Variants in ATP13A5 observed in about 807,000 individuals in gnomAD.
ATP13A5 encodes ATPase 13A5.
A neutral mutation model predicts 150.2 loss-of-function variants in ATP13A5; 149 were observed. The observed-to-expected ratio is 0.99, with a 90% CI of 0.87 to 1.14. The LOEUF (loss-of-function observed/expected upper bound fraction) is 1.14, where lower values mean the gene tolerates loss of function less well. ATP13A5 is among the 50% of genes most tolerant of loss of function. The pLI is 0.00. For missense variants in ATP13A5, 1,383 were observed against 1,449.3 expected (o/e 0.95, Z 0.74); for synonymous variants, 497 against 522.2 (o/e 0.95, Z 0.66).
intron 28 of ATP13A5, among the ~76,000 whole-genome samples, chr3:193,278,644 G>A (rs905372467): frequency 6.6e-6 from 1 of 152,112 alleles, no homozygotes; most frequent in Non-Finnish European, 1.5e-5. Flanking sequence ...TTGAACCCAG[G>A]TCAAGTTGCA....
intron 9 of ATP13A5, among the ~76,000 whole-genome samples, chr3:193,338,740 T>C (rs1222544094): frequency 6.6e-6 from 1 of 152,210 alleles, no homozygotes; most frequent in African/African-American, 2.4e-5. Flanking sequence ...AGGATGATGC[T>C]GGCCTCATAA....
intron 26 of ATP13A5, among the ~76,000 whole-genome samples, chr3:193,287,402 C>T (rs996403610): frequency 1.6e-4 from 25 of 152,132 alleles, no homozygotes; most frequent in African/African-American, 4.6e-4. Context: ...TAGGGGCTAA[C>T]GCAGCTGGTG....
chr3:193,352,558 A>C (rs1318622375), intron 6 of ATP13A5, among the ~76,000 whole-genome samples: 4 of 152,136 alleles, frequency 2.6e-5, no homozygotes, highest in African/African-American at 9.7e-5. Context: ...ACTCCTTTCA[A>C]ATTAGAACAC....
rs374086408 is a variant in ATP13A5 at position 193,321,825 on chromosome 3, C to T, written c.1771G>A (p.Ala591Thr). ...GPKASKSPVE[A>T]IITLCQFPFS... ...GGAAACTGGCACAAGGTGATGATGG[C>T]TTCCACTGGACTCTGCAAGCCCATC... The change falls in exon 16 of 30, where the codon GCC (alanine) becomes ACC (threonine). Residue 591 changes from alanine (A) to threonine (T), a missense_variant. Physicochemically the swap from Ala to Thr is moderately conservative, Grantham distance 58. Transcript: ENST00000342358. 7 of 1,613,950 alleles carry T rather than the reference C, an allele frequency of 4.3e-6. No individual in the cohort carries two copies. In the African/African-American group the frequency reaches 6.7e-5, roughly 15 times the overall value.
intron 2 of ATP13A5, 146 bp downstream of exon 2, chr3:193,363,961 A>AT: frequency 2.2e-6 from 2 of 893,610 alleles, no homozygotes; most frequent in Non-Finnish European, 3.3e-6. Context: ...ATTTTGCCGT[A>AT]TTTTCTCCTG....
intron 27 of ATP13A5, among the ~76,000 whole-genome samples, chr3:193,282,272 C>G (rs1477782753): frequency 1.3e-5 from 2 of 152,048 alleles, no homozygotes; most frequent in African/African-American, 2.4e-5. Flanking sequence ...AAAAATTATT[C>G]ATGTATAACA....
chr3:193,331,753 T>C (rs532189294), intron 11 of ATP13A5, among the ~76,000 whole-genome samples: 3 of 152,320 alleles, frequency 2.0e-5, no homozygotes, highest in Admixed American at 1.3e-4. Flanking sequence ...ATTAGCTTGC[T>C]CTCACTGGAT....
At chr3:193,325,835 G>T (rs1719448244) in intron 13 of ATP13A5, among the ~76,000 whole-genome samples, 1 of 152,140 alleles carries the variant, frequency 6.6e-6, no homozygotes, top group African/African-American at 2.4e-5. Flanking sequence ...GTGTCTAGTT[G>T]TTTCTAGTCT....
intron 27 of ATP13A5, among the ~76,000 whole-genome samples, chr3:193,284,007 G>GATTATTATTATTATTATTATTATTATT (rs3048432): frequency 1.4e-5 from 2 of 141,888 alleles, no homozygotes; most frequent in African/African-American, 5.3e-5. Flanking sequence ...TTGGCCTGCG[G>GATTATTATTATTATTATTATTATTATT]ATTATTATTA....
Position 193,325,002 on chromosome 3 carries a change from G to C in ATP13A5, c.1536C>G (p.Ala512=). The C allele has an allele frequency of 6.2e-7, 1 of 1,610,336 alleles. No individual in the cohort carries two copies. The highest frequency in any genetic ancestry group is 8.5e-7 in the Non-Finnish European group (1 of 1,178,648). Residue 512 remains alanine, a synonymous_variant, in exon 14 of 30, where the codon GCC becomes GCG. Transcript: ENST00000342358. ...CAGCCTGGCCTGAGGCAAAGCTGTG[G>C]GCTTCCTGGAAGCTGGTAGAGAAGG... The part of the protein sequence containing the change: ...VPTADNCFQE[A]HSFASGQAVP...
chr3:193,295,219 G>A (rs909309868), intron 25 of ATP13A5, among the ~76,000 whole-genome samples: 1 of 152,070 alleles, frequency 6.6e-6, no homozygotes, highest in Non-Finnish European at 1.5e-5. Context: ...ACGCTGCAGT[G>A]TGGTCACATT....
rs1718295579 is a variant in ATP13A5, at chr3:193,299,159, T to C, written c.2820A>G (p.Val940=). The C allele has an allele frequency of 1.2e-6, 2 of 1,610,260 alleles. No homozygotes were observed. Among genetic ancestry groups the C allele is most frequent in the Non-Finnish European group, 1.7e-6 (2 of 1,178,472 alleles). ...FGNYQYLMQD[V]AITLMVCLTM... is the part of the protein sequence containing the mutation. ...TTAAACAGACCATCAAAGTAATGGC[T>C]ACATCTTGCATGAGATACTGGTAAT... The change falls in exon 25 of 30, where the codon GTA becomes GTG. Residue 940 remains valine (V), a synonymous_variant. Coordinates refer to ENST00000342358, the MANE Select transcript of ATP13A5 (RefSeq NM_198505.4).
At chr3:193,276,726 GA>G in intron 29 of ATP13A5, 23 bp downstream of exon 29, 3 of 1,520,132 alleles carry the variant, frequency 2.0e-6, no homozygotes, top group Non-Finnish European at 2.7e-6. Flanking sequence ...TATCTTCCTA[GA>G]AAAAATATAG....
At chr3:193,375,179 A>G (rs2108587659) in intron 1 of ATP13A5, among the ~76,000 whole-genome samples, 1 of 152,332 alleles carries the variant, frequency 6.6e-6, no homozygotes, top group Non-Finnish European at 1.5e-5. Context: ...GGGAAGGAGA[A>G]CAGGGAAACT....
chr3:193,321,882 A>G, intron 15 of ATP13A5, 45 bp from the exon 16 acceptor site: 1 of 1,598,114 alleles, frequency 6.3e-7, no homozygotes. Flanking sequence ...CTGCTAAGTG[A>G]TATTTCCAAA....
In ATP13A5 at chr3:193,277,749, T is replaced by C. The variant is rs1411897034; in HGVS notation, c.3316-919A>G. ...TTCTAGCAGAGAACCTGGCTCTTTT[T>C]CTCATGGCTGCCACCACTCCAATCC... On this transcript the variant is annotated intron_variant, in intron 28 of 29. Coordinates refer to ENST00000342358, the MANE Select transcript of ATP13A5 (RefSeq NM_198505.4). The C allele has an allele frequency of 2.6e-5, 4 of 152,340 alleles. No homozygotes were observed. In the East Asian group the frequency reaches 7.7e-4, roughly 29 times the overall value. 9.4% of individuals were successfully genotyped at this position (152,340 alleles called of 1,614,324 possible).
intron 10 of ATP13A5, 26 bp from the exon 11 acceptor site, chr3:193,333,933 G>C (rs746023805): frequency 6.3e-7 from 1 of 1,597,166 alleles, no homozygotes; most frequent in Non-Finnish European, 8.5e-7. Context: ...CATAGATCAA[G>C]TAAGGCTGCT....
intron 7 of ATP13A5, among the ~76,000 whole-genome samples, chr3:193,345,720 TG>T (rs976362776): frequency 6.6e-6 from 1 of 152,168 alleles, no homozygotes; most frequent in Non-Finnish European, 1.5e-5. Context: ...AGGTTAAGGT[TG>T]GTCCACAAGG....
At position 193,274,994 on chromosome 3, in the gene ATP13A5, T is replaced by G. The variant is rs1181879179; in HGVS notation, c.*48A>C. On this transcript the variant is annotated 3_prime_UTR_variant, in exon 30 of 30. Transcript: ENST00000342358. The stretch of plus-strand genomic sequence containing the variant: ...CATCACTTCTCCACAATGTGTTAAT[T>G]TTGGGGAAAAAAGCAATGCTGTTGA... The G allele has an allele frequency of 1.2e-6, 2 of 1,602,126 alleles. No individual in the cohort carries two copies. Among genetic ancestry groups the G allele is most frequent in the Admixed American group, 3.4e-5 (2 of 59,018 alleles).
Sources: gnomAD v4.1 joint callset for allele counts (sites outside exome capture counted in the v4.1 genomes callset) on GRCh38, gnomAD v4.1.1 for gene constraint, MANE v1.5 for transcripts, NCBI Gene and HGNC (gene_info 2026-07-23, HGNC 2026-07-21) for gene names.